Variants in USH2A observed in about 807,000 individuals in gnomAD.
USH2A encodes the protein usherin.
Under a neutral mutation model 538.9 loss-of-function variants are expected in USH2A, and 443 were observed. The observed-to-expected ratio is 0.82, with a 90% CI of 0.76 to 0.89. USH2A has a LOEUF of 0.89. Ranked by LOEUF, USH2A falls within the 40% of genes least tolerant of loss-of-function variation. The pLI is 0.00. For synonymous variants in USH2A, 2,413 were observed against 2,273.5 expected (o/e 1.06, Z -1.75); for missense variants, 6,633 against 6,324.8 (o/e 1.05, Z -1.65).
At chr1:216,215,805 A>G (rs2035331826) in intron 15 of USH2A, among the ~76,000 whole-genome samples, 3 of 152,152 alleles carry the variant, frequency 2.0e-5, no homozygotes. Context: ...GTTTTTAAAA[A>G]TTCTAACAAA....
intron 64 of USH2A, among the ~76,000 whole-genome samples, chr1:215,652,744 T>C (rs1388028262): frequency 6.6e-6 from 1 of 152,196 alleles, no homozygotes; most frequent in Non-Finnish European, 1.5e-5. Context: ...CACCTATTAT[T>C]ACACAATGAA....
At chr1:215,930,415 T>C (rs1050258152) in intron 38 of USH2A, among the ~76,000 whole-genome samples, 4 of 151,860 alleles carry the variant, frequency 2.6e-5, no homozygotes, top group African/African-American at 7.2e-5. Flanking sequence ...AAAAAAAAGG[T>C]TTAAGTCTGG....
intron 65 of USH2A, 23 bp downstream of exon 65, chr1:215,650,569 G>C (rs531102014): frequency 6.2e-7 from 1 of 1,613,888 alleles, no homozygotes; most frequent in Non-Finnish European, 8.5e-7. Flanking sequence ...AACCAGTCCT[G>C]GATTTTTAGC....
chr1:216,028,588 A>G (rs1215189128), intron 32 of USH2A, among the ~76,000 whole-genome samples: 2 of 152,068 alleles, frequency 1.3e-5, no homozygotes, highest in Non-Finnish European at 1.5e-5. Flanking sequence ...AATTGACTAC[A>G]AGTTTTAAAA....
chr1:216,011,037 G>A (rs963064396), intron 32 of USH2A, among the ~76,000 whole-genome samples: 4 of 151,898 alleles, frequency 2.6e-5, no homozygotes, highest in South Asian at 2.1e-4. Flanking sequence ...GTTATCACCC[G>A]CCTGCTACAG....
chr1:215,650,867 A>G (rs1356576319), intron 64 of USH2A, 66 bp from the exon 65 acceptor site: 17 of 1,573,118 alleles, frequency 1.1e-5, no homozygotes, highest in South Asian at 8.2e-5. Flanking sequence ...AAAAAAAAAA[A>G]AAGAAAGGAA....
chr1:215,948,560 T>C (rs1278615391), intron 37 of USH2A, among the ~76,000 whole-genome samples: 1 of 151,884 alleles, frequency 6.6e-6, no homozygotes, highest in East Asian at 1.9e-4. Flanking sequence ...GCTGTAAGAA[T>C]ATATATTTTC....
chr1:215,709,811 T>C (rs1345037843), intron 61 of USH2A, among the ~76,000 whole-genome samples: 1 of 152,228 alleles, frequency 6.6e-6, no homozygotes, highest in Non-Finnish European at 1.5e-5. Context: ...CACAAAATCA[T>C]ACTAAACCTG....
At chr1:216,114,571 C>T (rs978310339) in intron 21 of USH2A, among the ~76,000 whole-genome samples, 12 of 152,094 alleles carry the variant, frequency 7.9e-5, no homozygotes, top group African/African-American at 1.2e-4. Context: ...TCTTGAGTTG[C>T]TATTCTGTGA....
intron 32 of USH2A, among the ~76,000 whole-genome samples, chr1:216,014,140 C>T (rs4537521): frequency 0.88 from 134,098 of 151,910 alleles, 59,439 homozygotes; most frequent in African/African-American, 0.97. Context: ...GAAAGTTGCA[C>T]GGTGATCTGA....
intron 43 of USH2A, among the ~76,000 whole-genome samples, chr1:215,867,431 A>AAAAC (rs978052388): frequency 1.6e-4 from 25 of 152,332 alleles, no homozygotes; most frequent in African/African-American, 5.3e-4. Context: ...ATTGCTATTG[A>AAAAC]AAACAAATGT....
At chr1:215,887,183 G>A (rs909655484) in intron 41 of USH2A, among the ~76,000 whole-genome samples, 2 of 151,856 alleles carry the variant, frequency 1.3e-5, no homozygotes, top group African/African-American at 4.8e-5. Flanking sequence ...TTTTCAGATC[G>A]GCCACAATCA....
intron 35 of USH2A, among the ~76,000 whole-genome samples, chr1:215,980,976 T>C (rs1667739306): frequency 1.3e-5 from 2 of 152,124 alleles, no homozygotes; most frequent in Non-Finnish European, 2.9e-5. Flanking sequence ...TGGAGAGGAA[T>C]TGTTGATATA....
chr1:216,115,490 GA>G (rs1398863512), intron 21 of USH2A, among the ~76,000 whole-genome samples: 1 of 152,002 alleles, frequency 6.6e-6, no homozygotes, highest in Non-Finnish European at 1.5e-5. Context: ...GATTTCTCAA[GA>G]AAAAATATAT....
chr1:215,866,941 A>G (rs972578380), intron 44 of USH2A, 66 bp downstream of exon 44: 4 of 1,607,406 alleles, frequency 2.5e-6, no homozygotes, highest in African/African-American at 2.7e-5. Context: ...GGAGGTTCAT[A>G]GTAAAGAAAG....
At chr1:215,664,198 G>T (rs977816139) in intron 64 of USH2A, among the ~76,000 whole-genome samples, 1 of 152,042 alleles carries the variant, frequency 6.6e-6, no homozygotes, top group South Asian at 2.1e-4. Flanking sequence ...GATAGTGTGG[G>T]TTTTCTCAGG....
intron 56 of USH2A, among the ~76,000 whole-genome samples, chr1:215,760,975 T>C (rs935828235): frequency 2.0e-5 from 3 of 152,206 alleles, no homozygotes; most frequent in Non-Finnish European, 2.9e-5. Flanking sequence ...TTTATTCATA[T>C]AATATAATCC....
intron 37 of USH2A, among the ~76,000 whole-genome samples, chr1:215,955,289 G>A (rs1667033842): frequency 6.6e-6 from 1 of 152,064 alleles, no homozygotes; most frequent in Admixed American, 6.6e-5. Context: ...GGAGAAATAG[G>A]TTTACAATGG....
intron 38 of USH2A, among the ~76,000 whole-genome samples, chr1:215,926,135 T>G (rs963381253): frequency 6.6e-6 from 1 of 151,988 alleles, no homozygotes; most frequent in Non-Finnish European, 1.5e-5. Flanking sequence ...TCTTATTTAT[T>G]TACTCTTTTG....
Sources: allele counts gnomAD v4.1 joint callset (sites outside exome capture counted in the v4.1 genomes callset), GRCh38; gene constraint gnomAD v4.1.1; transcripts MANE v1.5; gene names NCBI Gene and HGNC (gene_info 2026-07-23, HGNC 2026-07-21).